Variants in ERICH3 observed in about 807,000 individuals in gnomAD.
ERICH3 encodes glutamate-rich protein 3.
A neutral mutation model predicts 131.1 loss-of-function variants in ERICH3; 126 were observed. The ratio of observed to expected loss-of-function variants is 0.96; its 90% CI spans 0.83 to 1.11. ERICH3 has a LOEUF of 1.11. ERICH3 is among the 50% of genes most tolerant of loss of function. The pLI is 0.00. For synonymous variants in ERICH3, 695 were observed against 644.6 expected, an observed-to-expected ratio of 1.08 and a Z score of -1.18; for missense variants, 2,050 against 1,810.7, an observed-to-expected ratio of 1.13 and a Z score of -2.40.
chr1:74,579,720 A>G, intron 12 of ERICH3: 3 of 985,334 alleles, frequency 3.0e-6, no homozygotes, highest in Non-Finnish European at 3.6e-6. Context: ...AGGACTGTGC[A>G]TGCTGAGACT....
At chr1:74,614,386 A>T (rs868391845) in intron 8 of ERICH3, among the ~76,000 whole-genome samples, 9 of 151,116 alleles carry the variant, frequency 6.0e-5, no homozygotes, top group Non-Finnish European at 8.9e-5. Flanking sequence ...AAAAAAAAAA[A>T]AAACTCGGCC....
chr1:74,673,555 C>T lies in ERICH3; in HGVS notation c.-36G>A, dbSNP rs368194652. Reference sequence around the variant, plus strand: ...TCCCTTTTGGACCCCGCGGCAGGTGCGGAGGGTGGGTGCGTGGGGCCCCGT... The same window carrying T: ...TCCCTTTTGGACCCCGCGGCAGGTGTGGAGGGTGGGTGCGTGGGGCCCCGT... On this transcript the variant is annotated 5_prime_UTR_variant, in exon 1 of 15. Coordinates refer to ENST00000326665, the MANE Select transcript of ERICH3 (RefSeq NM_001002912.5). The T allele has an allele frequency of 1.6e-5, 26 of 1,607,362 alleles. No homozygotes were observed. The highest frequency in any genetic ancestry group is 2.1e-5 in the Non-Finnish European group (25 of 1,177,468).
chr1:74,623,522 T>C (rs528244593), intron 7 of ERICH3: 5 of 152,198 alleles, frequency 3.3e-5, no homozygotes, highest in South Asian at 2.1e-4. Context: ...GACCATGAAA[T>C]TTATCATCCA....
intron 7 of ERICH3, chr1:74,624,441 A>G (rs1649345478): frequency 6.6e-6 from 1 of 152,184 alleles, no homozygotes; most frequent in Non-Finnish European, 1.5e-5. Flanking sequence ...ACTACATTAC[A>G]CATGTTCTTC....
chr1:74,634,921 C>G (rs1287433758), intron 6 of ERICH3: 1 of 396,664 alleles, frequency 2.5e-6, no homozygotes, highest in Non-Finnish European at 4.4e-6. Flanking sequence ...TCCATGCTCA[C>G]TAGGCAACTT....
rs1266326916 is a variant in ERICH3, at chr1:74,605,714, A to G, written c.1489+887T>C. On this transcript the variant is annotated intron_variant, in intron 10 of 14. Coordinates refer to ENST00000326665, the MANE Select transcript of ERICH3 (RefSeq NM_001002912.5). ...TTCACTTTCTTACATGGTACAGCTC[A>G]TGGCACCCCAAAACAATTGCAATAG... Among the ~76,000 whole-genome samples, 3 of 151,698 alleles carry G rather than the reference A, an allele frequency of 2.0e-5. 1 individual carries two copies. Among genetic ancestry groups the G allele is most frequent in the Non-Finnish European group, 4.4e-5 (3 of 67,842 alleles).
chr1:74,585,292 G>C (rs985248574), intron 12 of ERICH3, among the ~76,000 whole-genome samples: 9 of 152,136 alleles, frequency 5.9e-5, no homozygotes, highest in Non-Finnish European at 8.8e-5. Context: ...CAAGAACACT[G>C]TCTGATTGCA....
At position 74,607,701 on chromosome 1, in the gene ERICH3, C is replaced by T. The variant is rs148179755; in HGVS notation, c.1188-799G>A. On this transcript the variant is annotated intron_variant, in intron 9 of 14. Coordinates refer to ENST00000326665, the MANE Select transcript of ERICH3 (RefSeq NM_001002912.5). The stretch of plus-strand genomic sequence containing the variant: ...TCCAAGTCAAATCTGGTGAACCATG[C>T]AGATAATCTGAATGCATTATGACAT... Among the ~76,000 whole-genome samples, 591 of 151,980 alleles carry T rather than the reference C, an allele frequency of 3.9e-3. 6 individuals carry two copies. The highest frequency in any genetic ancestry group is 0.014 in the African/African-American group (566 of 41,496).
chr1:74,587,194 G>A (rs190504283), intron 12 of ERICH3, among the ~76,000 whole-genome samples: 450 of 151,584 alleles, frequency 3.0e-3, no homozygotes, highest in Non-Finnish European at 4.1e-3. Flanking sequence ...GCGTGGTGGC[G>A]AGCACCTGTA....
intron 1 of ERICH3, among the ~76,000 whole-genome samples, chr1:74,653,811 C>T (rs899043516): frequency 1.3e-5 from 2 of 152,122 alleles, no homozygotes; most frequent in African/African-American, 4.8e-5. Context: ...ACCCTCATCT[C>T]TCCCTGTACT....
chr1:74,598,960 A>C (rs148565868), intron 11 of ERICH3, among the ~76,000 whole-genome samples: 17 of 152,112 alleles, frequency 1.1e-4, no homozygotes, highest in African/African-American at 3.8e-4. Context: ...TCATATTGCT[A>C]TTAGCAATAA....
intron 11 of ERICH3, among the ~76,000 whole-genome samples, chr1:74,590,721 T>C (rs1417345244): frequency 2.6e-5 from 4 of 152,202 alleles, no homozygotes; most frequent in African/African-American, 9.6e-5. Context: ...TAATAGGCCA[T>C]GGACCCTGTA....
At chr1:74,606,960 C>A in intron 9 of ERICH3, 58 bp from the exon 10 acceptor site, 1 of 1,471,000 alleles carries the variant, frequency 6.8e-7, no homozygotes, top group South Asian at 1.4e-5. Flanking sequence ...ACAATGGAAC[C>A]TCAAAGCTTT....
Position 74,571,810 on chromosome 1 carries a change from T to G in ERICH3, c.3900A>C (p.Lys1300Asn), listed in dbSNP as rs1380849903. 6.2e-7 allele frequency: 1 copy of G among 1,613,592 alleles called. No homozygotes were observed. The highest frequency in any genetic ancestry group is 1.7e-5 in the Admixed American group (1 of 60,024). ...VDEDPEEEED[K>N]ECTLETEAMQ... ...TCGCTTCTGTCTCCAGAGTGCACTC[T>G]TTGTCCTCTTCCTCCTCTGGGTCCT... Residue 1300 changes from lysine to asparagine, a missense_variant, in exon 14 of 15, where the codon AAA (lysine) becomes AAC (asparagine). By Grantham distance (94) the Lys-to-Asn change is moderately conservative. Coordinates refer to ENST00000326665, the MANE Select transcript of ERICH3 (RefSeq NM_001002912.5).
chr1:74,610,869 C>A (rs1229527043), intron 9 of ERICH3, among the ~76,000 whole-genome samples: 1 of 152,040 alleles, frequency 6.6e-6, no homozygotes, highest in Admixed American at 6.6e-5. Context: ...CTTCACATAT[C>A]CACACATTCA....
chr1:74,668,037 T>G (rs1369486630), intron 1 of ERICH3, among the ~76,000 whole-genome samples: 1 of 152,152 alleles, frequency 6.6e-6, no homozygotes, highest in African/African-American at 2.4e-5. Context: ...CCCCTTCACC[T>G]TCCACCATGA....
chr1:74,598,255 T>A (rs971672296), intron 11 of ERICH3, among the ~76,000 whole-genome samples: 1 of 151,916 alleles, frequency 6.6e-6, no homozygotes, highest in Non-Finnish European at 1.5e-5. Context: ...ATTTATTACA[T>A]GGATTTTATG....
At chr1:74,648,690 A>C (rs1171044439) in intron 2 of ERICH3, among the ~76,000 whole-genome samples, 1 of 152,180 alleles carries the variant, frequency 6.6e-6, no homozygotes, top group Non-Finnish European at 1.5e-5. Flanking sequence ...AAGGTTTCAC[A>C]TTGTATACAT....
chr1:74,573,250 T>C lies in ERICH3; in HGVS notation c.2460A>G (p.Glu820=). ...TTTTTTCTGTAAACTCTTCTGCCAA[T>C]TCTGGCTGCTCTGCTGTTGGCTTCC... ...RAWKPTAEQP[E]LAEEFTEKRE... Residue 820 remains glutamate (E), a synonymous_variant, in exon 14 of 15, where the codon GAA becomes GAG. Coordinates refer to ENST00000326665, the MANE Select transcript of ERICH3 (RefSeq NM_001002912.5). The C allele has an allele frequency of 1.2e-6, 2 of 1,600,752 alleles. No individual in the cohort carries two copies. Among genetic ancestry groups the C allele is most frequent in the Non-Finnish European group, 8.5e-7 (1 of 1,174,636 alleles).
Sources: allele counts gnomAD v4.1 joint callset (sites outside exome capture counted in the v4.1 genomes callset), GRCh38; gene constraint gnomAD v4.1.1; transcripts MANE v1.5; gene names NCBI Gene and HGNC (gene_info 2026-07-23, HGNC 2026-07-21).